Variants in DOCK4 observed in about 807,000 individuals in gnomAD.
DOCK4 encodes the protein dedicator of cytokinesis protein 4.
In DOCK4, 97 loss-of-function variants were observed where a neutral mutation model predicts 268.1. The observed-to-expected ratio is 0.36, with a 90% CI of 0.31 to 0.43. The LOEUF (loss-of-function observed/expected upper bound fraction) is 0.43. DOCK4 is among the 20% of genes least tolerant of loss of function. The pLI, the probability that DOCK4 is intolerant of heterozygous loss-of-function variation, is 1.00. For missense variants in DOCK4, 2,145 were observed against 2,455.7 expected (o/e 0.87, Z 2.67); for synonymous variants, 954 against 887.2 (o/e 1.08, Z -1.34).
At chr7:111,853,118 G>A (rs1440675469) in intron 23 of DOCK4, among the ~76,000 whole-genome samples, 1 of 152,186 alleles carries the variant, frequency 6.6e-6, no homozygotes, top group African/African-American at 2.4e-5. Flanking sequence ...CTGGACACGG[G>A]ACTAGGAAGG....
At chr7:111,732,510 A>G (rs1795172303) in intron 51 of DOCK4, 2 of 582,182 alleles carry the variant, frequency 3.4e-6, no homozygotes, top group African/African-American at 1.9e-5. Context: ...GTGAAAAGTT[A>G]TCATGGCATA....
chr7:112,025,297 T>C (rs781562215), intron 1 of DOCK4, among the ~76,000 whole-genome samples: 1 of 152,202 alleles, frequency 6.6e-6, no homozygotes, highest in Non-Finnish European at 1.5e-5. Context: ...TTAGGCTCTA[T>C]GCAAGGGAAA....
chr7:111,963,235 T>A (rs989874717), intron 8 of DOCK4, among the ~76,000 whole-genome samples: 3 of 151,606 alleles, frequency 2.0e-5, no homozygotes, highest in African/African-American at 7.3e-5. Context: ...AGCTCCGGAC[T>A]ACAGCTCCCA....
chr7:112,206,324 G>T lies in DOCK4; in HGVS notation c.-186C>A, dbSNP rs1368630878. 2 of 628,190 alleles carry T rather than the reference G, an allele frequency of 3.2e-6. No individual in the cohort carries two copies. The highest frequency in any genetic ancestry group is 2.7e-6 in the Non-Finnish European group (1 of 366,798). The allele number at this position is 628,190 out of a possible 1,614,324, so 38.9% of individuals were successfully genotyped here. On this transcript the variant is annotated 5_prime_UTR_variant, in exon 1 of 53. In the 5' UTR this introduces an upstream ATG that the reference lacks. Coordinates refer to ENST00000428084, the MANE Select transcript of DOCK4 (RefSeq NM_001363540.2). The stretch of plus-strand genomic sequence containing the variant: ...CAGCGTTGACACTGCGCCGCCCGCA[G>T]CTCTCCCGGCGGCGGCTGCTCACAG...
rs1350322184 is a variant in DOCK4 at position 111,782,863 on chromosome 7, C to T, written c.3585+1G>A. The stretch of plus-strand genomic sequence containing the variant: ...GAGAAAAAGGGGAATAGTTTACTAA[C>T]CAGAAGGCTAACTGTGCAGCCAATC... On this transcript the variant is annotated splice_donor_variant, in intron 35 of 52. Coordinates refer to ENST00000428084, the MANE Select transcript of DOCK4 (RefSeq NM_001363540.2). LOFTEE classifies it high-confidence loss of function. 1 of 1,613,492 alleles carries T rather than the reference C, an allele frequency of 6.2e-7. No homozygotes were observed. Among genetic ancestry groups the T allele is most frequent in the Non-Finnish European group, 8.5e-7 (1 of 1,179,640 alleles).
chr7:111,881,846 G>A (rs528031716), intron 16 of DOCK4, among the ~76,000 whole-genome samples: 1 of 152,286 alleles, frequency 6.6e-6, no homozygotes, highest in South Asian at 2.1e-4. Context: ...AACATTGCAT[G>A]TTCTCACTTT....
chr7:112,113,334 G>C (rs1430181975), intron 1 of DOCK4, among the ~76,000 whole-genome samples: 2 of 152,156 alleles, frequency 1.3e-5, no homozygotes, highest in Non-Finnish European at 2.9e-5. Flanking sequence ...CTCTGCACAA[G>C]ATCAGGGGTT....
At chr7:111,983,592 A>G (rs1337799296) in intron 7 of DOCK4, among the ~76,000 whole-genome samples, 1 of 152,188 alleles carries the variant, frequency 6.6e-6, no homozygotes, top group African/African-American at 2.4e-5. Context: ...AGATTGGACC[A>G]GACTTGGGGA....
chr7:111,728,075 C>A lies in DOCK4; in HGVS notation c.*199G>T, dbSNP rs910145052. On this transcript the variant is annotated 3_prime_UTR_variant, in exon 53 of 53. Transcript: ENST00000428084. ...TGAGAAACGTTTTAATGAAATTCAG[C>A]CATACTTCATTTAACATCTGGCGTT... is the stretch of plus-strand genomic sequence containing the variant. 4 of 421,230 alleles carry A rather than the reference C, an allele frequency of 9.5e-6. No homozygotes were observed. Among genetic ancestry groups the A allele is most frequent in the Admixed American group, 4.2e-5 (1 of 23,726 alleles). 26.1% of individuals were successfully genotyped at this position (421,230 alleles called of 1,614,324 possible).
intron 24 of DOCK4, 27 bp downstream of exon 24, chr7:111,846,972 T>G: frequency 5.0e-6 from 8 of 1,611,456 alleles, no homozygotes; most frequent in Non-Finnish European, 6.8e-6. Flanking sequence ...TGAAGGGAGC[T>G]ATATACTATG....
intron 6 of DOCK4, among the ~76,000 whole-genome samples, chr7:111,985,972 T>G (rs1799021812): frequency 6.6e-6 from 1 of 152,202 alleles, no homozygotes; most frequent in Non-Finnish European, 1.5e-5. Flanking sequence ...GATACTTGTC[T>G]TACTCATAGC....
At chr7:112,180,062 C>A (rs1818888766) in intron 1 of DOCK4, among the ~76,000 whole-genome samples, 1 of 151,672 alleles carries the variant, frequency 6.6e-6, no homozygotes, top group Non-Finnish European at 1.5e-5. Flanking sequence ...AACAAAATTC[C>A]AAAGTAAAAA....
intron 8 of DOCK4, among the ~76,000 whole-genome samples, chr7:111,946,872 G>A (rs1795667796): frequency 1.3e-5 from 2 of 152,186 alleles, no homozygotes; most frequent in Admixed American, 6.5e-5. Flanking sequence ...ATGAGTCATT[G>A]CACCAAGCCA....
intron 1 of DOCK4, among the ~76,000 whole-genome samples, chr7:112,079,611 T>C (rs2135711180): frequency 6.6e-6 from 1 of 152,212 alleles, no homozygotes; most frequent in East Asian, 1.9e-4. Context: ...AAAGAAATGG[T>C]AGAAGGAATT....
chr7:111,729,146 C>T (rs2133349693), intron 52 of DOCK4, among the ~76,000 whole-genome samples: 1 of 152,330 alleles, frequency 6.6e-6, no homozygotes, highest in Non-Finnish European at 1.5e-5. Flanking sequence ...AATACACTCA[C>T]ACTCAAATTT....
Position 111,936,521 on chromosome 7 carries a change from G to A in DOCK4, c.978-893C>T, listed in dbSNP as rs866333317. Among the ~76,000 whole-genome samples, 8 of 152,162 alleles carry A rather than the reference G, an allele frequency of 5.3e-5. No homozygotes were observed. The South Asian group carries it at 1.2e-3, about 24-fold the overall frequency. On this transcript the variant is annotated intron_variant, in intron 11 of 52. Coordinates refer to ENST00000428084, the MANE Select transcript of DOCK4 (RefSeq NM_001363540.2). The stretch of plus-strand genomic sequence containing the variant: ...GGATGGATGGATGGATGGATGGATG[G>A]ATGGATGGACGGATGGATGGATGTC...
In DOCK4 at chr7:112,107,249, G is replaced by A. The variant is rs189297126; in HGVS notation, c.37+98853C>T. Among the ~76,000 whole-genome samples the A allele has an allele frequency of 2.4e-3, 362 of 152,296 alleles. 4 individuals carry two copies. Among genetic ancestry groups the A allele is most frequent in the Middle Eastern group, 0.01 (3 of 294 alleles). On this transcript the variant is annotated intron_variant, in intron 1 of 52. Coordinates refer to ENST00000428084, the MANE Select transcript of DOCK4 (RefSeq NM_001363540.2). ...GTTCCCACAAACTTCATATATTGAA[G>A]TCCTAACTCCTGGTATCTTAGAATA...
chr7:111,809,971 C>G (rs1800967443), intron 28 of DOCK4, among the ~76,000 whole-genome samples: 1 of 148,272 alleles, frequency 6.7e-6, no homozygotes, highest in Non-Finnish European at 1.5e-5. Context: ...GAATAAAGTT[C>G]CCTGAAATAA....
At chr7:112,126,763 C>T (rs1813257899) in intron 1 of DOCK4, among the ~76,000 whole-genome samples, 1 of 152,214 alleles carries the variant, frequency 6.6e-6, no homozygotes, top group African/African-American at 2.4e-5. Flanking sequence ...TGAACAGACA[C>T]TTCTCAAAGG....
Sources: allele counts gnomAD v4.1 joint callset (sites outside exome capture counted in the v4.1 genomes callset), GRCh38; gene constraint gnomAD v4.1.1; transcripts MANE v1.5; gene names NCBI Gene and HGNC (gene_info 2026-07-23, HGNC 2026-07-21).